Variants in RBFOX1 observed in about 807,000 individuals in gnomAD.
RBFOX1 encodes RNA binding fox-1 homolog 1, also known as RNA binding protein fox-1 homolog 1.
RBFOX1 carries 8 observed loss-of-function variants against 57.7 expected under a neutral mutation model. The observed-to-expected ratio is 0.14, with a 90% CI of 0.08 to 0.25. The LOEUF is 0.25. Among genes scored for constraint, RBFOX1 ranks in the 10% least tolerant of loss-of-function variants. RBFOX1 has a pLI of 1.00. For synonymous variants in RBFOX1, 326 were observed against 222.4 expected (o/e 1.47, Z -4.15); for missense variants, 611 against 548.5 (o/e 1.11, Z -1.14).
chr16:5,716,887 C>G (rs117634376), intron 3 of RBFOX1, among the ~76,000 whole-genome samples: 1 of 152,162 alleles, frequency 6.6e-6, no homozygotes, highest in Non-Finnish European at 1.5e-5. Flanking sequence ...AATGTCCAAG[C>G]CTGTCATCCC....
chr16:6,669,538 C>T (rs572212325), intron 3 of RBFOX1, among the ~76,000 whole-genome samples: 12 of 152,214 alleles, frequency 7.9e-5, no homozygotes, highest in Admixed American at 3.3e-4. Flanking sequence ...TTAAGATATA[C>T]AGCTTGACGT....
At chr16:6,947,845 T>C (rs79335392) in intron 3 of RBFOX1, among the ~76,000 whole-genome samples, 1,671 of 152,312 alleles carry the variant, frequency 0.011, 34 homozygotes, top group African/African-American at 0.039. Flanking sequence ...CGTGCAATCT[T>C]GGCTCACTGC....
At chr16:5,417,114 A>G (rs1228750248) in intron 1 of RBFOX1, among the ~76,000 whole-genome samples, 1 of 152,244 alleles carries the variant, frequency 6.6e-6, no homozygotes, top group East Asian at 1.9e-4. Flanking sequence ...GAGCTGTAGC[A>G]CTGCTGGATA....
chr16:6,899,850 A>G (rs180870796), intron 3 of RBFOX1, among the ~76,000 whole-genome samples: 1 of 152,200 alleles, frequency 6.6e-6, no homozygotes, highest in Non-Finnish European at 1.5e-5. Flanking sequence ...TTCGTTAGTA[A>G]ATAATAGTAG....
chr16:7,460,846 T>C (rs12933913), intron 4 of RBFOX1, among the ~76,000 whole-genome samples: 52,713 of 152,044 alleles, frequency 0.35, 10,381 homozygotes, highest in Non-Finnish European at 0.45. Flanking sequence ...AAATTTCTGA[T>C]TTGATATGTC....
At chr16:6,759,483 G>C (rs879789100) in intron 3 of RBFOX1, among the ~76,000 whole-genome samples, 6,474 of 68,778 alleles carry the variant, frequency 0.094, 240 homozygotes, top group Middle Eastern at 0.16. Context: ...CTGTGTGTGT[G>C]TGTGTGTGTG....
chr16:5,492,675 G>A (rs990895235), intron 2 of RBFOX1, among the ~76,000 whole-genome samples: 3 of 152,196 alleles, frequency 2.0e-5, no homozygotes, highest in African/African-American at 7.2e-5. Flanking sequence ...CACAGTGCTT[G>A]TCTTCAGCTT....
At chr16:6,429,007 C>T (rs544139873) in intron 2 of RBFOX1, among the ~76,000 whole-genome samples, 13 of 152,166 alleles carry the variant, frequency 8.5e-5, no homozygotes, top group Non-Finnish European at 1.9e-4. Context: ...GGTGCACATT[C>T]GGTGACATGC....
intron 3 of RBFOX1, among the ~76,000 whole-genome samples, chr16:6,668,516 C>T (rs558567519): frequency 2.0e-4 from 30 of 152,194 alleles, no homozygotes; most frequent in Non-Finnish European, 4.1e-4. Flanking sequence ...ATGGATAGTG[C>T]ATGGCTTAAA....
At chr16:7,670,369 T>C (rs2070996136) in intron 13 of RBFOX1, among the ~76,000 whole-genome samples, 1 of 152,124 alleles carries the variant, frequency 6.6e-6, no homozygotes, top group African/African-American at 2.4e-5. Flanking sequence ...AAGAAAATAA[T>C]TTGTCCAAAA....
intron 2 of RBFOX1, among the ~76,000 whole-genome samples, chr16:6,436,217 A>T (rs1237475766): frequency 6.6e-6 from 1 of 152,238 alleles, no homozygotes; most frequent in Non-Finnish European, 1.5e-5. Flanking sequence ...GATATTGACC[A>T]TGGGAATGCA....
At chr16:5,541,232 C>T (rs569252161) in intron 2 of RBFOX1, among the ~76,000 whole-genome samples, 20 of 152,136 alleles carry the variant, frequency 1.3e-4, no homozygotes, top group African/African-American at 3.9e-4. Context: ...AATAAAGCCT[C>T]GAATTTTACT....
intron 1 of RBFOX1, among the ~76,000 whole-genome samples, chr16:6,255,882 G>A (rs2097658174): frequency 6.6e-6 from 1 of 151,298 alleles, no homozygotes; most frequent in East Asian, 2.0e-4. Flanking sequence ...CACACACCGG[G>A]GCCTGTACTT....
intron 5 of RBFOX1, among the ~76,000 whole-genome samples, chr16:7,521,258 G>T (rs1270389810): frequency 6.6e-6 from 1 of 152,290 alleles, no homozygotes; most frequent in Admixed American, 6.5e-5. Context: ...CATGATGAAG[G>T]GGATTTGGAG....
At chr16:6,589,434 A>T (rs2097678949) in intron 2 of RBFOX1, among the ~76,000 whole-genome samples, 1 of 152,146 alleles carries the variant, frequency 6.6e-6, no homozygotes. Flanking sequence ...GGAAGTGCTG[A>T]CTGGTCAGGT....
chr16:7,272,533 C>G lies in RBFOX1; in HGVS notation c.27+220435C>G, dbSNP rs149167353. 5.3e-3 allele frequency among the ~76,000 whole-genome samples: 800 copies of G among 152,294 alleles called. 8 individuals carry two copies. Among genetic ancestry groups the G allele is most frequent in the African/African-American group, 0.017 (720 of 41,550 alleles). The stretch of plus-strand genomic sequence containing the variant: ...ATGTTGCTTCTTATTCTGCATCATT[C>G]ATTCATTCATCAAATATTTATAGGC... On this transcript the variant is annotated intron_variant, in intron 4 of 15. Coordinates refer to ENST00000550418, the MANE Select transcript of RBFOX1 (RefSeq NM_018723.4).
At chr16:7,142,021 CCTTCTTT>C (rs1161719141) in intron 4 of RBFOX1, among the ~76,000 whole-genome samples, 1 of 139,050 alleles carries the variant, frequency 7.2e-6, no homozygotes, top group East Asian at 2.2e-4. Context: ...CTTCCTTCTT[CCTTCTTT>C]CTTCTTTTTA....
intron 2 of RBFOX1, among the ~76,000 whole-genome samples, chr16:6,603,182 C>T (rs914489855): frequency 6.6e-6 from 1 of 152,152 alleles, no homozygotes; most frequent in Non-Finnish European, 1.5e-5. Context: ...TGGCAGCATG[C>T]CTTAAGAACA....
chr16:7,134,400 T>A (rs2071345668), intron 4 of RBFOX1, among the ~76,000 whole-genome samples: 1 of 152,188 alleles, frequency 6.6e-6, no homozygotes, highest in East Asian at 1.9e-4. Flanking sequence ...ATAGTGATGG[T>A]GATTACTTCT....
Sources: allele counts gnomAD v4.1 joint callset (sites outside exome capture counted in the v4.1 genomes callset), GRCh38; gene constraint gnomAD v4.1.1; transcripts MANE v1.5; gene names NCBI Gene and HGNC (gene_info 2026-07-23, HGNC 2026-07-21).